PLEKHG7: variants seen among roughly 807,000 people sequenced by gnomAD.
PLEKHG7 encodes pleckstrin homology and RhoGEF domain containing G7.
In PLEKHG7, 77 loss-of-function variants were observed where a neutral mutation model predicts 85.2. The observed-to-expected ratio is 0.90, with a 90% CI of 0.75 to 1.09. The LOEUF is 1.09. PLEKHG7 is among the 50% of genes least tolerant of loss of function. The pLI is 0.00. For synonymous variants in PLEKHG7, 301 were observed against 302.4 expected, an observed-to-expected ratio of 1.00 and a Z score of 0.05; for missense variants, 777 against 804.3, an observed-to-expected ratio of 0.97 and a Z score of 0.41.
chr12:92,705,122 A>G (rs1871196367), intron 1 of PLEKHG7, among the ~76,000 whole-genome samples: 1 of 152,256 alleles, frequency 6.6e-6, no homozygotes, highest in Admixed American at 6.5e-5. Flanking sequence ...TACAAAAAGC[A>G]TAGTGAGAAG....
chr12:92,735,346 A>G (rs1872111623), intron 5 of PLEKHG7, among the ~76,000 whole-genome samples: 1 of 152,232 alleles, frequency 6.6e-6, no homozygotes, highest in Non-Finnish European at 1.5e-5. Flanking sequence ...TAACCCTACC[A>G]GAGAAACCAG....
intron 3 of PLEKHG7, among the ~76,000 whole-genome samples, chr12:92,714,344 G>A (rs11106682): frequency 9.0e-4 from 137 of 152,298 alleles, no homozygotes; most frequent in African/African-American, 3.2e-3. Flanking sequence ...AGCATTGTCA[G>A]AATTTACAAA....
chr12:92,755,712 T>C, intron 11 of PLEKHG7, 113 bp from the exon 12 acceptor site: 1 of 750,264 alleles, frequency 1.3e-6, no homozygotes, highest in South Asian at 1.6e-5. Context: ...TTATATATTG[T>C]CTGGCTCCAG....
chr12:92,715,509 C>T (rs537525720), intron 3 of PLEKHG7, among the ~76,000 whole-genome samples: 4 of 152,048 alleles, frequency 2.6e-5, no homozygotes, highest in African/African-American at 7.2e-5. Context: ...AAAAACAAAC[C>T]GAGACAGATC....
chr12:92,738,150 T>C (rs1872233983), intron 7 of PLEKHG7, among the ~76,000 whole-genome samples: 1 of 152,198 alleles, frequency 6.6e-6, no homozygotes, highest in Non-Finnish European at 1.5e-5. Flanking sequence ...TGCAATTTAG[T>C]ACTGTTGAAT....
intron 13 of PLEKHG7, among the ~76,000 whole-genome samples, chr12:92,759,495 C>G (rs1872926776): frequency 6.6e-6 from 1 of 151,994 alleles, no homozygotes; most frequent in Non-Finnish European, 1.5e-5. Context: ...TGTTCTTCCA[C>G]AAATCACATG....
At chr12:92,728,483 T>C (rs1212274) in intron 3 of PLEKHG7, among the ~76,000 whole-genome samples, 27 of 150,588 alleles carry the variant, frequency 1.8e-4, no homozygotes, top group African/African-American at 5.6e-4. Flanking sequence ...CACACCACAT[T>C]CCATGGTGGT....
chr12:92,733,090 C>T (rs1445806966), intron 5 of PLEKHG7, among the ~76,000 whole-genome samples: 1 of 152,182 alleles, frequency 6.6e-6, no homozygotes, highest in East Asian at 1.9e-4. Context: ...TCTATGGACA[C>T]ACACACCTTG....
rs751237572 is a variant in PLEKHG7 at position 92,770,154 on chromosome 12, ATATCTT to A, written c.2039_2044del (p.Ser680_Leu681del). The A allele has an allele frequency of 5.6e-6, 9 of 1,608,952 alleles. No homozygotes were observed. The Admixed American group carries it at 1.5e-4, about 27-fold the overall frequency. On this transcript the variant is annotated inframe_deletion, in exon 17 of 17. Coordinates refer to ENST00000344636, the MANE Select transcript of PLEKHG7 (RefSeq NM_001377329.1). ...TACCAAGAGTCAGGAAACCAAGAAA[ATATCTT>A]TATTCACATTGCCCGCAGAATCCTC... is the stretch of plus-strand genomic sequence containing the variant.
rs567746206 is a variant in PLEKHG7, at chr12:92,755,723, G to A, written c.1427-102G>A. ...AACTTTATATATTGTCTGGCTCCAG[G>A]GGCAGCCAGTGTTTCTAAATGATTC... On this transcript the variant is annotated intron_variant, in intron 11 of 16. Transcript: ENST00000344636. 449 of 785,040 alleles carry A rather than the reference G, an allele frequency of 5.7e-4. 1 individual carries two copies. The highest frequency in any genetic ancestry group is 8.9e-4 in the Non-Finnish European group (405 of 453,508). The allele number at this position is 785,040 out of a possible 1,614,324, so 48.6% of individuals were successfully genotyped here.
At chr12:92,751,523 G>A (rs1205978446) in intron 10 of PLEKHG7, among the ~76,000 whole-genome samples, 1 of 139,584 alleles carries the variant, frequency 7.2e-6, no homozygotes, top group Non-Finnish European at 1.5e-5. Context: ...GCGCCACCAT[G>A]CCTGGCTAAT....
chr12:92,734,687 T>C (rs1254031092), intron 5 of PLEKHG7, among the ~76,000 whole-genome samples: 1 of 152,158 alleles, frequency 6.6e-6, no homozygotes, highest in African/African-American at 2.4e-5. Context: ...CATTCTCTCA[T>C]TAGAGCTCTC....
At chr12:92,761,990 T>G (rs993822354) in intron 14 of PLEKHG7, among the ~76,000 whole-genome samples, 159 bp downstream of exon 14, 3 of 151,914 alleles carry the variant, frequency 2.0e-5, no homozygotes, top group Admixed American at 6.5e-5. Flanking sequence ...TTTTTAGTCA[T>G]AAAGCTCTGA....
chr12:92,761,416 C>T (rs559331111), intron 13 of PLEKHG7, among the ~76,000 whole-genome samples: 1 of 152,022 alleles, frequency 6.6e-6, no homozygotes, highest in Admixed American at 6.6e-5. Flanking sequence ...CTCATCAAGT[C>T]TCTGCTTTAG....
At chr12:92,739,135 T>C (rs1005392975) in intron 7 of PLEKHG7, among the ~76,000 whole-genome samples, 2 of 152,238 alleles carry the variant, frequency 1.3e-5, no homozygotes, top group African/African-American at 4.8e-5. Context: ...GCTTCTCTTG[T>C]AGTCACAGCC....
intron 3 of PLEKHG7, among the ~76,000 whole-genome samples, chr12:92,718,564 T>C (rs1871553006): frequency 6.6e-6 from 1 of 152,198 alleles, no homozygotes; most frequent in Non-Finnish European, 1.5e-5. Flanking sequence ...GTAGTTGGGT[T>C]TGGACATGCC....
chr12:92,754,493 G>A (rs1304336383), intron 11 of PLEKHG7, among the ~76,000 whole-genome samples: 2 of 152,222 alleles, frequency 1.3e-5, no homozygotes, highest in Admixed American at 6.5e-5. Flanking sequence ...TACACAGGAT[G>A]TGGCTCTGTC....
intron 15 of PLEKHG7, among the ~76,000 whole-genome samples, chr12:92,768,574 A>G (rs1176097589): frequency 6.6e-6 from 1 of 152,176 alleles, no homozygotes; most frequent in Non-Finnish European, 1.5e-5. Flanking sequence ...ACACAAAAAT[A>G]AAATTTTTTA....
Position 92,755,862 on chromosome 12 carries a change from C to T in PLEKHG7, c.1464C>T (p.Phe488=), listed in dbSNP as rs1223857842. ...LEGKVKWLDN[F]QKFRYLQEII... is the part of the protein sequence containing the mutation. ...GAAAAGTGAAGTGGCTGGACAATTT[C>T]CAAAAATTTAGATATCTACAGGAGA... Residue 488 remains phenylalanine, a synonymous_variant, in exon 12 of 17, where the codon TTC becomes TTT. Coordinates refer to ENST00000344636, the MANE Select transcript of PLEKHG7 (RefSeq NM_001377329.1). 3.1e-6 allele frequency: 5 copies of T among 1,613,318 alleles called. No individual in the cohort carries two copies. The African/African-American group carries it at 5.3e-5, about 17-fold the overall frequency.
Sources: gnomAD v4.1 joint callset for allele counts (sites outside exome capture counted in the v4.1 genomes callset) on GRCh38, gnomAD v4.1.1 for gene constraint, MANE v1.5 for transcripts, NCBI Gene and HGNC (gene_info 2026-07-23, HGNC 2026-07-21) for gene names.